PCDH9: variants seen among roughly 807,000 people sequenced by gnomAD.
PCDH9 encodes the protein protocadherin 9.
PCDH9 carries 24 observed loss-of-function variants against 70.6 expected under a neutral mutation model. That is an observed-to-expected ratio of 0.34 (90% confidence interval 0.25 to 0.48). The LOEUF (loss-of-function observed/expected upper bound fraction) is 0.48. Ranked by LOEUF, PCDH9 falls within the 20% of genes least tolerant of loss-of-function variation. The pLI, the probability that PCDH9 is intolerant of heterozygous loss-of-function variation, is 0.99. For synonymous variants in PCDH9, 562 were observed against 558.5 expected (o/e 1.01, Z -0.09); for missense variants, 1,281 against 1,503.6 (o/e 0.85, Z 2.45).
Position 67,166,386 on chromosome 13 carries a change from C to T in PCDH9, c.3036+59019G>A, listed in dbSNP as rs575802539. ...ACTGAATTCATAAAATCCTTTTGAT[C>T]GGAAGCCTGATTTCACTACATGATA... On this transcript the variant is annotated intron_variant, in intron 2 of 4. Coordinates refer to ENST00000377865, the MANE Select transcript of PCDH9 (RefSeq NM_203487.3). Among the ~76,000 whole-genome samples, 26 of 152,264 alleles carry T rather than the reference C, an allele frequency of 1.7e-4. 1 individual carries two copies. In the South Asian group the frequency reaches 4.4e-3, roughly 25 times the overall value.
At chr13:66,477,880 T>C (rs1958762794) in intron 4 of PCDH9, among the ~76,000 whole-genome samples, 1 of 152,188 alleles carries the variant, frequency 6.6e-6, no homozygotes, top group African/African-American at 2.4e-5. Context: ...TTCAGGATGA[T>C]CTCAGATGAT....
chr13:66,413,265 T>C (rs1305152440), intron 4 of PCDH9, among the ~76,000 whole-genome samples: 1 of 152,250 alleles, frequency 6.6e-6, no homozygotes, highest in Non-Finnish European at 1.5e-5. Context: ...AAACTCATTG[T>C]AATTTTAATA....
intron 2 of PCDH9, chr13:67,223,304 T>C (rs1403750700): frequency 6.6e-6 from 1 of 152,178 alleles, no homozygotes; most frequent in Non-Finnish European, 1.5e-5. Context: ...CTACACTATA[T>C]ATAGGTTCAA....
chr13:66,421,227 G>A (rs1957561183), intron 4 of PCDH9, among the ~76,000 whole-genome samples: 1 of 152,162 alleles, frequency 6.6e-6, no homozygotes, highest in Admixed American at 6.5e-5. Context: ...AAGTAATGGG[G>A]AGAATGGAAC....
chr13:66,982,342 C>A (rs561478139), intron 2 of PCDH9, among the ~76,000 whole-genome samples: 1 of 152,146 alleles, frequency 6.6e-6, no homozygotes, highest in Non-Finnish European at 1.5e-5. Context: ...TGGCCTGATA[C>A]AATAACCAAT....
At chr13:67,140,564 T>G (rs953122177) in intron 2 of PCDH9, among the ~76,000 whole-genome samples, 3 of 152,246 alleles carry the variant, frequency 2.0e-5, no homozygotes, top group Admixed American at 2.0e-4. Context: ...AATAATTACC[T>G]TCAGTGCTTT....
At chr13:67,158,289 C>A (rs988064751) in intron 2 of PCDH9, among the ~76,000 whole-genome samples, 1 of 152,136 alleles carries the variant, frequency 6.6e-6, no homozygotes, top group African/African-American at 2.4e-5. Flanking sequence ...ATATCCATTG[C>A]TTGAATATCT....
intron 2 of PCDH9, among the ~76,000 whole-genome samples, chr13:67,008,134 A>C (rs1260767841): frequency 6.6e-6 from 1 of 152,144 alleles, no homozygotes; most frequent in Non-Finnish European, 1.5e-5. Context: ...ATAAGAAAAA[A>C]CATAATAATA....
chr13:66,306,658 A>G (rs1261186786), intron 4 of PCDH9, among the ~76,000 whole-genome samples: 7 of 151,852 alleles, frequency 4.6e-5, no homozygotes, highest in African/African-American at 1.7e-4. Context: ...TCCTTTTAGA[A>G]TATCCTTAAA....
intron 2 of PCDH9, among the ~76,000 whole-genome samples, chr13:67,065,800 C>T (rs779901584): frequency 5.3e-5 from 8 of 152,152 alleles, no homozygotes; most frequent in Non-Finnish European, 1.0e-4. Flanking sequence ...GCTATTGTCA[C>T]TCCTTTGGTG....
intron 4 of PCDH9, among the ~76,000 whole-genome samples, chr13:66,401,325 T>C (rs1957182289): frequency 6.6e-6 from 1 of 150,408 alleles, no homozygotes; most frequent in East Asian, 2.0e-4. Context: ...GTGAGTGAGT[T>C]ATCATGGGAT....
At chr13:66,839,579 A>T (rs1232659963) in intron 3 of PCDH9, among the ~76,000 whole-genome samples, 1 of 152,148 alleles carries the variant, frequency 6.6e-6, no homozygotes, top group East Asian at 1.9e-4. Context: ...TGCATATTTT[A>T]ACAAGCTTTA....
At chr13:66,908,646 T>C (rs533230600) in intron 2 of PCDH9, among the ~76,000 whole-genome samples, 17 of 152,340 alleles carry the variant, frequency 1.1e-4, no homozygotes, top group Non-Finnish European at 2.1e-4. Flanking sequence ...TTATTATTTC[T>C]GAAAATTTGT....
chr13:66,801,102 A>G (rs2080320068), intron 3 of PCDH9, among the ~76,000 whole-genome samples: 2 of 150,410 alleles, frequency 1.3e-5, no homozygotes, highest in African/African-American at 4.9e-5. Context: ...GTAGGTCTGT[A>G]TATATCCTCA....
chr13:66,384,517 C>G (rs1468268547), intron 4 of PCDH9, among the ~76,000 whole-genome samples: 1 of 151,968 alleles, frequency 6.6e-6, no homozygotes, highest in African/African-American at 2.4e-5. Flanking sequence ...GCATAATTAC[C>G]CTTTTGTATA....
intron 3 of PCDH9, among the ~76,000 whole-genome samples, chr13:66,662,333 C>T (rs1238683559): frequency 6.6e-6 from 1 of 151,844 alleles, no homozygotes; most frequent in African/African-American, 2.4e-5. Flanking sequence ...ATTAGCCAGC[C>T]GTGGTGGCTC....
chr13:66,725,930 T>C (rs568254723), intron 3 of PCDH9, among the ~76,000 whole-genome samples: 33 of 152,186 alleles, frequency 2.2e-4, no homozygotes, highest in Non-Finnish European at 3.8e-4. Flanking sequence ...AGCCTAATAT[T>C]AGGTTGGTGT....
At chr13:66,549,478 T>A (rs1269999969) in intron 4 of PCDH9, among the ~76,000 whole-genome samples, 1 of 152,136 alleles carries the variant, frequency 6.6e-6, no homozygotes, top group African/African-American at 2.4e-5. Context: ...ACTGTACATA[T>A]ACCGTATCAC....
chr13:66,610,086 T>G (rs549204451), intron 4 of PCDH9, among the ~76,000 whole-genome samples: 1 of 152,138 alleles, frequency 6.6e-6, no homozygotes, highest in Non-Finnish European at 1.5e-5. Flanking sequence ...GCCTCCTTCT[T>G]ATTTAATAAC....
Sources: allele counts gnomAD v4.1 joint callset (sites outside exome capture counted in the v4.1 genomes callset), GRCh38; gene constraint gnomAD v4.1.1; transcripts MANE v1.5; gene names NCBI Gene and HGNC (gene_info 2026-07-23, HGNC 2026-07-21).